CRACR2B: variants seen among roughly 807,000 people sequenced by gnomAD.
CRACR2B encodes EF-hand calcium-binding domain-containing protein 4A.
Under a neutral mutation model 46.0 loss-of-function variants are expected in CRACR2B, and 50 were observed. The observed-to-expected ratio is 1.09, with a 90% CI of 0.87 to 1.38. The LOEUF is 1.38. Ranked by LOEUF, CRACR2B falls within the 40% of genes most tolerant of loss-of-function variation. The pLI is 0.00. For missense variants in CRACR2B, 667 were observed against 535.0 expected (o/e 1.25, Z -2.43); for synonymous variants, 277 against 239.6 (o/e 1.16, Z -1.44).
chr11:828,298 GCTC>G lies in CRACR2B; in HGVS notation c.-303_-301del. 2.7e-6 allele frequency: 1 copy of G among 370,722 alleles called. No individual in the cohort carries two copies. Among genetic ancestry groups the G allele is most frequent in the Non-Finnish European group, 4.9e-6 (1 of 205,342 alleles). 23.0% of individuals were successfully genotyped at this position (370,722 alleles called of 1,614,324 possible). On this transcript the variant is annotated 5_prime_UTR_variant, in exon 1 of 9. Transcript: ENST00000525077. ...GCCCCTGAGATTGCCATCACCTCCA[GCTC>G]CTCCTCTCCTGAAGTTGGCAGCCCC...
At chr11:830,796 C>T (rs967839179) in intron 6 of CRACR2B, 70 bp from the exon 7 acceptor site, 1 of 1,482,544 alleles carries the variant, frequency 6.7e-7, no homozygotes, top group African/African-American at 1.4e-5. Context: ...TTGTCGGGAG[C>T]CTGGGGCACG....
At position 828,946 on chromosome 11, in the gene CRACR2B, A is replaced by G; in HGVS notation, c.260A>G (p.Glu87Gly). 1.2e-6 allele frequency: 2 copies of G among 1,605,210 alleles called. No individual in the cohort carries two copies. The highest frequency in any genetic ancestry group is 1.7e-6 in the Non-Finnish European group (2 of 1,179,912). The change falls in exon 2 of 9, where the codon GAG (glutamate) becomes GGG (glycine). Residue 87 changes from glutamate to glycine, a missense_variant. Physicochemically the swap from Glu to Gly is moderately conservative, Grantham distance 98 (BLOSUM62 -2). Transcript: ENST00000525077. ...CACACTGGCTTCCTCACCGCCAGGG[A>G]GTTCTGCCTGGGCCTGGGTGAGCCT... Reference protein sequence around the residue: ...RAHTGFLTAREFCLGLGMFVG... With the variant: ...RAHTGFLTARGFCLGLGMFVG...
intron 8 of CRACR2B, 68 bp downstream of exon 8, chr11:831,363 A>G: frequency 6.5e-7 from 1 of 1,540,718 alleles, no homozygotes; most frequent in Non-Finnish European, 8.7e-7. Context: ...GCTCCCCAAC[A>G]TTCTTGGCTG....
chr11:828,922 A>C lies in CRACR2B; in HGVS notation c.236A>C (p.His79Pro). ...GTGTTTGAAAGTCTGGACCGGGCTC[A>C]CACTGGCTTCCTCACCGCCAGGGAG... ...EAVFESLDRA[H>P]TGFLTAREFC... The change falls in exon 2 of 9, where the codon CAC becomes CCC. Residue 79 changes from histidine (H) to proline (P), a missense_variant. Physicochemically the swap from His to Pro is moderately conservative, Grantham distance 77. Transcript: ENST00000525077. 1.2e-6 allele frequency: 2 copies of C among 1,607,176 alleles called. No individual in the cohort carries two copies. Among genetic ancestry groups the C allele is most frequent in the Non-Finnish European group, 1.7e-6 (2 of 1,179,956 alleles).
In CRACR2B at chr11:828,366, G is replaced by A. The variant is rs937155589; in HGVS notation, c.-242G>A. 3.9e-6 allele frequency: 2 copies of A among 512,174 alleles called. No homozygotes were observed. Among genetic ancestry groups the A allele is most frequent in the Non-Finnish European group, 6.8e-6 (2 of 294,442 alleles). The allele number at this position is 512,174 out of a possible 1,614,324, so 31.7% of individuals were successfully genotyped here. ...CTCCTGAGATGCCAGACCCACTGGG[G>A]CAGTACCCACAGGCCCTGAGCCTAC... On this transcript the variant is annotated 5_prime_UTR_variant, in exon 1 of 9. Coordinates refer to ENST00000525077, the MANE Select transcript of CRACR2B (RefSeq NM_001286606.2).
In CRACR2B at chr11:830,711, G is replaced by T; in HGVS notation, c.784G>T (p.Glu262Ter). Residue 262 changes from glutamate (E) to a stop codon, truncating the protein, a stop_gained and splice_region_variant, in exon 6 of 9, where the codon GAG becomes TAG. Transcript: ENST00000525077. LOFTEE classifies it high-confidence loss of function. ...GGAACGCGCGGGCCTGCGGCAGCGG[G>T]AGGTGAGCACCCGGCCCCTGCCCTG... Reference protein sequence around the residue: ...DLERAGLRQRELEQQLHAQAA... With the variant: ...DLERAGLRQR 6.5e-7 allele frequency: 1 copy of T among 1,532,796 alleles called. No individual in the cohort carries two copies. Among genetic ancestry groups the T allele is most frequent in the Admixed American group, 2.0e-5 (1 of 50,472 alleles). The allele number at this position is 1,532,796 out of a possible 1,614,324, so 94.9% of individuals were successfully genotyped here. A position where few individuals can be genotyped will look rare whatever the true frequency, so the allele number is the denominator to read the frequency against.
rs2133903295 is a variant in CRACR2B, at chr11:829,560, G to A, written c.458+20G>A. 1.9e-6 allele frequency: 3 copies of A among 1,539,950 alleles called. No homozygotes were observed. Among genetic ancestry groups the A allele is most frequent in the East Asian group, 2.4e-5 (1 of 42,142 alleles). On this transcript the variant is annotated intron_variant, in intron 3 of 8. Transcript: ENST00000525077. ...GGGCAAGTGAGTCGGCGCTGGCCCC[G>A]CTCCCACTGCCCGCTCTGCTGTTTC...
chr11:830,101 G>A lies in CRACR2B; in HGVS notation c.574G>A (p.Glu192Lys). ...GGCCTGCCTGGAGGAGGCGGCCCGG[G>A]AGCGCGACGGCCTGGAGCAGGCGCT... is the stretch of plus-strand genomic sequence containing the variant. ...ASACLEEAAR[E>K]RDGLEQALRR... is the part of the protein sequence containing the mutation. The change falls in exon 4 of 9, where the codon GAG (glutamate) becomes AAG (lysine). Residue 192 changes from glutamate (E) to lysine (K), a missense_variant. Glu to Lys is a moderately conservative substitution (Grantham distance 56). Transcript: ENST00000525077. 1 of 1,540,534 alleles carries A rather than the reference G, an allele frequency of 6.5e-7. No individual in the cohort carries two copies. Among genetic ancestry groups the A allele is most frequent in the Non-Finnish European group, 8.7e-7 (1 of 1,148,176 alleles).
chr11:831,340 T>C (rs899396744), intron 8 of CRACR2B, 45 bp downstream of exon 8: 2 of 1,564,592 alleles, frequency 1.3e-6, no homozygotes, highest in Non-Finnish European at 1.7e-6. Flanking sequence ...TCAGCGGAGC[T>C]TGGGGGCTCC....
At chr11:829,133 G>T (rs1384740743) in intron 2 of CRACR2B, 170 bp downstream of exon 2, 1 of 1,252,188 alleles carries the variant, frequency 8.0e-7, no homozygotes, top group Non-Finnish European at 1.1e-6. Context: ...GCGGTGGAGT[G>T]TGTGGAGCTG....
rs572460035 is a variant in CRACR2B, at chr11:829,460, C to A, written c.378C>A (p.Gly126=). 2.5e-6 allele frequency: 4 copies of A among 1,609,514 alleles called. No homozygotes were observed. The highest frequency in any genetic ancestry group is 1.1e-5 in the South Asian group (1 of 90,476). ...GGCTCGACGTGCAGGGCACGGCGGG[C>A]TCTCTGGATGAGGAGGAGGAAGAGG... ...SGGLDVQGTA[G]SLDEEEEEEE... The change falls in exon 3 of 9, where the codon GGC becomes GGA. Residue 126 remains glycine, a synonymous_variant. Transcript: ENST00000525077.
At position 830,336 on chromosome 11, in the gene CRACR2B, A is replaced by C; in HGVS notation, c.692A>C (p.Gln231Pro). Residue 231 changes from glutamine (Q) to proline (P), a missense_variant and splice_region_variant, in exon 5 of 9, where the codon CAG becomes CCG. Gln to Pro is a moderately conservative substitution (Grantham distance 76). Transcript: ENST00000525077. ...LREQSRRPPS[Q>P]NFARGERRSR... Reference sequence around the variant, plus strand: ...GAGCAGAGCCGGCGCCCGCCGAGTCAGGTGGGCCTCGGGCCCCGCCCCTCC... The same window carrying C: ...GAGCAGAGCCGGCGCCCGCCGAGTCCGGTGGGCCTCGGGCCCCGCCCCTCC... 1 of 1,535,292 alleles carries C rather than the reference A, an allele frequency of 6.5e-7. No individual in the cohort carries two copies. Among genetic ancestry groups the C allele is most frequent in the Non-Finnish European group, 8.7e-7 (1 of 1,145,060 alleles).
chr11:830,743 C>T, intron 6 of CRACR2B, 30 bp downstream of exon 6: 1 of 1,508,432 alleles, frequency 6.6e-7, no homozygotes, highest in Non-Finnish European at 8.8e-7. Context: ...CCTGTCCCCA[C>T]GGTCACCCGT....
chr11:830,196 C>T, intron 4 of CRACR2B, 54 bp from the exon 5 acceptor site: 1 of 1,494,002 alleles, frequency 6.7e-7, no homozygotes, highest in Non-Finnish European at 8.9e-7. Context: ...GAGGCGGTGC[C>T]AGGGGGCTGT....
rs1441619701 is a variant in CRACR2B at position 830,037 on chromosome 11, G to T, written c.510G>T (p.Glu170Asp). 6.4e-7 allele frequency: 1 copy of T among 1,568,686 alleles called. No homozygotes were observed. The highest frequency in any genetic ancestry group is 2.3e-5 in the East Asian group (1 of 42,914). Residue 170 changes from glutamate (E) to aspartate (D), a missense_variant, in exon 4 of 9, where the codon GAG (glutamate) becomes GAT (aspartate). Glu to Asp is a conservative substitution (Grantham distance 45). Coordinates refer to ENST00000525077, the MANE Select transcript of CRACR2B (RefSeq NM_001286606.2). Reference protein sequence around the residue: ...LWARLQRERPELLGSFEDVLI... With the variant: ...LWARLQRERPDLLGSFEDVLI... Reference sequence around the variant, plus strand: ...CCAGGCTGCAGCGCGAGCGCCCCGAGCTGCTGGGCTCTTTCGAGGATGTTC... The same window carrying T: ...CCAGGCTGCAGCGCGAGCGCCCCGATCTGCTGGGCTCTTTCGAGGATGTTC...
chr11:827,613 C>T (rs552352254), upstream of CRACR2B: 2 of 909,082 alleles, frequency 2.2e-6, no homozygotes, highest in East Asian at 1.2e-4. Flanking sequence ...GGAGGGCGGG[C>T]GAGACAACAA....
Position 831,817 on chromosome 11 carries a change from A to T in CRACR2B, c.*108A>T. On this transcript the variant is annotated 3_prime_UTR_variant, in exon 9 of 9. Transcript: ENST00000525077. ...ATGCAGGCTCTCCCCAGTGGGCCCC[A>T]GGCTCGCCTGACTGAAGACATGAAG... is the stretch of plus-strand genomic sequence containing the variant. 7.5e-7 allele frequency: 1 copy of T among 1,338,146 alleles called. No homozygotes were observed. Among genetic ancestry groups the T allele is most frequent in the South Asian group, 1.6e-5 (1 of 63,610 alleles). The allele number at this position is 1,338,146 out of a possible 1,614,324, so 82.9% of individuals were successfully genotyped here. A position where few individuals can be genotyped will look rare whatever the true frequency, so the allele number is the denominator to read the frequency against.
rs1176343221 is a variant in CRACR2B, at chr11:831,870, C to T, written c.*161C>T. The T allele has an allele frequency of 2.2e-5, 19 of 870,194 alleles. No individual in the cohort carries two copies. Among genetic ancestry groups the T allele is most frequent in the African/African-American group, 7.2e-5 (4 of 55,830 alleles). 53.9% of individuals were successfully genotyped at this position (870,194 alleles called of 1,614,324 possible). ...CCTAGCCTAGGAGTGGTCAGGGTCC[C>T]GGGAGTGGCCAGGGTCCCGTGTGTG... is the stretch of plus-strand genomic sequence containing the variant. On this transcript the variant is annotated 3_prime_UTR_variant, in exon 9 of 9. Coordinates refer to ENST00000525077, the MANE Select transcript of CRACR2B (RefSeq NM_001286606.2).
chr11:830,486 A>G, intron 5 of CRACR2B, 135 bp from the exon 6 acceptor site: 1 of 1,537,346 alleles, frequency 6.5e-7, no homozygotes, highest in African/African-American at 1.4e-5. Flanking sequence ...ACTGGGCCTC[A>G]CGTATCACCC....
Sources: allele counts gnomAD v4.1 joint callset, GRCh38; gene constraint gnomAD v4.1.1; transcripts MANE v1.5; gene names NCBI Gene and HGNC (gene_info 2026-07-23, HGNC 2026-07-21).